SMG5: variants seen among roughly 807,000 people sequenced by gnomAD.
SMG5 encodes the protein SMG5 nonsense mediated mRNA decay factor.
In SMG5, 53 loss-of-function variants were observed where a neutral mutation model predicts 122.9. The observed-to-expected ratio is 0.43, with a 90% CI of 0.35 to 0.54. SMG5 has a LOEUF of 0.54. Among genes scored for constraint, SMG5 ranks in the 20% least tolerant of loss-of-function variants. The pLI is 0.01. For missense variants in SMG5, 1,153 were observed against 1,285.6 expected, an observed-to-expected ratio of 0.90 and a Z score of 1.58; for synonymous variants, 477 against 490.2, an observed-to-expected ratio of 0.97 and a Z score of 0.35.
At chr1:156,260,397 G>A in intron 15 of SMG5, 54 bp downstream of exon 15, 1 of 1,570,584 alleles carries the variant, frequency 6.4e-7, no homozygotes, top group Non-Finnish European at 8.6e-7. Context: ...GAACCCATTT[G>A]CTGCTGTTTG....
intron 4 of SMG5, 43 bp from the exon 5 acceptor site, chr1:156,274,729 C>A (rs760894360): frequency 2.0e-6 from 3 of 1,501,354 alleles, no homozygotes; most frequent in Admixed American, 3.3e-5. Flanking sequence ...CATTCTTCTG[C>A]CTTCCCGCAC....
At position 156,263,434 on chromosome 1, in the gene SMG5, C is replaced by G. The variant is rs1205112868; in HGVS notation, c.1992G>C (p.Trp664Cys). The G allele has an allele frequency of 1.2e-6, 2 of 1,614,188 alleles. No individual in the cohort carries two copies. The highest frequency in any genetic ancestry group is 1.7e-6 in the Non-Finnish European group (2 of 1,180,026). ...TGATGAGGTCGGGGTTGGTCCGAAG[C>G]CAGTCCAGGAAGACTTTCACAGCAG... ...LLPAVKVFLD[W>C]LRTNPDLIIV... is the part of the protein sequence containing the mutation. The change falls in exon 13 of 22, where the codon TGG becomes TGC. Residue 664 changes from tryptophan to cysteine, a missense_variant. Transcript: ENST00000361813.
At position 156,252,331 on chromosome 1, in the gene SMG5, AG is replaced by A; in HGVS notation, c.2753+82del. On this transcript the variant is annotated intron_variant, in intron 19 of 21. Coordinates refer to ENST00000361813, the MANE Select transcript of SMG5 (RefSeq NM_015327.3). ...ACGGGTATGTATGTGTCTTACCCAT[AG>A]GGAGCAAGGGGCTTTCATAAGCATG... 3 of 1,320,802 alleles carry A rather than the reference AG, an allele frequency of 2.3e-6. No individual in the cohort carries two copies. In the South Asian group the frequency reaches 3.6e-5, roughly 16 times the overall value. The allele number at this position is 1,320,802 out of a possible 1,614,324, so 81.8% of individuals were successfully genotyped here. A position where few individuals can be genotyped will look rare whatever the true frequency, so the allele number is the denominator to read the frequency against.
At chr1:156,252,369 A>G in intron 19 of SMG5, 45 bp downstream of exon 19, 1 of 1,589,996 alleles carries the variant, frequency 6.3e-7, no homozygotes, top group Non-Finnish European at 8.6e-7. Context: ...GTTATCCAAA[A>G]GACAGACCCA....
intron 21 of SMG5, 68 bp downstream of exon 21, chr1:156,250,790 G>A: frequency 6.2e-7 from 1 of 1,606,626 alleles, no homozygotes; most frequent in Admixed American, 1.7e-5. Context: ...TGGAGGGTCT[G>A]GGGATGGAGT....
At chr1:156,273,237 A>T in intron 6 of SMG5, 124 bp downstream of exon 6, 2 of 747,908 alleles carry the variant, frequency 2.7e-6, no homozygotes, top group Non-Finnish European at 4.7e-6. Context: ...AAGGTGAAGT[A>T]CGAGAGAGCT....
intron 7 of SMG5, among the ~76,000 whole-genome samples, chr1:156,269,913 G>A (rs749277891): frequency 1.3e-5 from 2 of 151,958 alleles, no homozygotes; most frequent in African/African-American, 2.4e-5. Context: ...GGTGGCATGC[G>A]CCTTTAATCC....
At chr1:156,275,021 T>C (rs1662615843) in intron 4 of SMG5, among the ~76,000 whole-genome samples, 1 of 151,394 alleles carries the variant, frequency 6.6e-6, no homozygotes, top group African/African-American at 2.4e-5. Flanking sequence ...GCTTCAAGTA[T>C]GAATAGGGTC....
intron 16 of SMG5, among the ~76,000 whole-genome samples, chr1:156,255,027 G>T (rs1244332504): frequency 1.3e-5 from 2 of 151,704 alleles, no homozygotes; most frequent in African/African-American, 4.8e-5. Flanking sequence ...GACAGCAAAG[G>T]TTGCAGTGAG....
chr1:156,272,521 G>T, intron 6 of SMG5, 123 bp from the exon 7 acceptor site: 1 of 709,480 alleles, frequency 1.4e-6, no homozygotes, highest in Non-Finnish European at 2.5e-6. Flanking sequence ...GGCAACACTG[G>T]TTGTCTCAGG....
intron 7 of SMG5, 82 bp from the exon 8 acceptor site, chr1:156,268,497 C>T: frequency 6.5e-7 from 1 of 1,549,134 alleles, no homozygotes; most frequent in Non-Finnish European, 8.7e-7. Flanking sequence ...AACAATGTTA[C>T]TAGTAAATAC....
In SMG5 at chr1:156,271,085, A is replaced by C. The variant is rs147366405; in HGVS notation, c.713+1235T>G. The stretch of plus-strand genomic sequence containing the variant: ...AGTAACGATACTTAAGAATGAATGA[A>C]TATATCGGTATAGGTATAGAAGGCC... On this transcript the variant is annotated intron_variant, in intron 7 of 21. Transcript: ENST00000361813. Among the ~76,000 whole-genome samples the C allele has an allele frequency of 8.0e-3, 1,218 of 152,278 alleles. 21 individuals carry two copies. The highest frequency in any genetic ancestry group is 0.027 in the African/African-American group (1,125 of 41,552).
chr1:156,267,657 G>C lies in SMG5; in HGVS notation c.930C>G (p.Thr310=), dbSNP rs770949554. 5.6e-6 allele frequency: 9 copies of C among 1,611,120 alleles called. No homozygotes were observed. The African/African-American group carries it at 1.2e-4, about 22-fold the overall frequency. ...CCTCCAGGACTGACTGGCAAAGTGA[G>C]GTCAGCTCTGAGTCCACGGAGCTAC... ...PKSSSVDSEL[T]SLCQSVLEDF... Residue 310 remains threonine, a synonymous_variant, in exon 10 of 22, where the codon ACC becomes ACG. Coordinates refer to ENST00000361813, the MANE Select transcript of SMG5 (RefSeq NM_015327.3).
At chr1:156,283,126 C>T (rs1663046819), upstream of SMG5, 1 of 323,410 alleles carries the variant, frequency 3.1e-6, no homozygotes, top group Admixed American at 5.0e-5. Context: ...GTCCATCCTT[C>T]TGCCCCTTTC....
chr1:156,280,167 T>C (rs1398195983), intron 1 of SMG5, among the ~76,000 whole-genome samples: 2 of 152,118 alleles, frequency 1.3e-5, no homozygotes, highest in Non-Finnish European at 2.9e-5. Context: ...AACTCTACAA[T>C]GGACGGCCAA....
intron 16 of SMG5, among the ~76,000 whole-genome samples, chr1:156,256,310 CTTTTTTTTTTTTTTT>C (rs533116327): frequency 1.1e-5 from 1 of 86,962 alleles, no homozygotes; most frequent in Non-Finnish European, 2.6e-5. Flanking sequence ...CATCTTCTCT[CTTTTTTTTTTTTTTT>C]TTTTTTTTTG....
upstream of SMG5, chr1:156,286,107 T>G: frequency 7.0e-7 from 1 of 1,429,540 alleles, no homozygotes; most frequent in Non-Finnish European, 9.5e-7. Flanking sequence ...TCCCACCCCC[T>G]GCCAGTCTGC....
intron 3 of SMG5, 37 bp downstream of exon 3, chr1:156,277,888 C>T (rs1662753985): frequency 3.7e-6 from 6 of 1,611,040 alleles, no homozygotes; most frequent in South Asian, 1.1e-5. Context: ...CTCTTCCTTC[C>T]TTGGCTTTCC....
intron 10 of SMG5, 39 bp downstream of exon 10, chr1:156,267,431 A>G: frequency 6.2e-7 from 1 of 1,600,322 alleles, no homozygotes; most frequent in Admixed American, 1.7e-5. Context: ...GGATCCCCAA[A>G]GCCAGTGGAA....
Sources: allele counts gnomAD v4.1 joint callset (sites outside exome capture counted in the v4.1 genomes callset), GRCh38; gene constraint gnomAD v4.1.1; transcripts MANE v1.5; gene names NCBI Gene and HGNC (gene_info 2026-07-23, HGNC 2026-07-21).